STON2: variants seen among roughly 807,000 people sequenced by gnomAD.
The protein encoded by STON2 is stonin-2.
Under a neutral mutation model 65.7 loss-of-function variants are expected in STON2, and 29 were observed. The observed-to-expected ratio is 0.44, with a 90% CI of 0.33 to 0.60. The LOEUF is 0.60. Ranked by LOEUF, STON2 falls within the 20% of genes least tolerant of loss-of-function variation. The pLI is 0.03. For missense variants in STON2, 1,054 were observed against 1,118.1 expected (o/e 0.94, Z 0.82); for synonymous variants, 404 against 414.2 (o/e 0.98, Z 0.30).
chr14:81,307,413 T>A (rs550220881), intron 5 of STON2, among the ~76,000 whole-genome samples: 1 of 152,212 alleles, frequency 6.6e-6, no homozygotes, highest in African/African-American at 2.4e-5. Flanking sequence ...TAAATTTCTA[T>A]AAATTTATTT....
intron 5 of STON2, among the ~76,000 whole-genome samples, chr14:81,322,282 A>C (rs752657944): frequency 1.3e-5 from 2 of 152,184 alleles, no homozygotes; most frequent in African/African-American, 4.8e-5. Flanking sequence ...CAATGTACAA[A>C]TGCCTATGAG....
rs573360337 is a variant in STON2 at position 81,414,847 on chromosome 14, T to C, written c.-199+12255A>G. 2.8e-4 allele frequency among the ~76,000 whole-genome samples: 42 copies of C among 152,292 alleles called. No individual in the cohort carries two copies. In the South Asian group the frequency reaches 7.7e-3, roughly 28 times the overall value. On this transcript the variant is annotated intron_variant, in intron 2 of 8. Transcript: ENST00000553821. ...AATGTAAATTATTGAGATAATTAGA[T>C]TATTACTTCATTTAAGAATGTGAGT...
intron 4 of STON2, among the ~76,000 whole-genome samples, chr14:81,336,690 A>C (rs1897384533): frequency 6.6e-6 from 1 of 151,902 alleles, no homozygotes; most frequent in Non-Finnish European, 1.5e-5. Context: ...AAGCAGAAGA[A>C]GGGAAGTCTG....
chr14:81,407,277 A>C (rs1280276856), intron 2 of STON2, among the ~76,000 whole-genome samples: 1 of 152,166 alleles, frequency 6.6e-6, no homozygotes, highest in African/African-American at 2.4e-5. Flanking sequence ...ATCTAAATAC[A>C]GGTCATTTCA....
At chr14:81,394,766 T>C (rs1900234835) in intron 3 of STON2, among the ~76,000 whole-genome samples, 1 of 152,092 alleles carries the variant, frequency 6.6e-6, no homozygotes. Flanking sequence ...CTCTGAAAGC[T>C]GGGAAGGGCC....
chr14:81,435,897 C>T lies in STON2; in HGVS notation c.-310+424G>A, dbSNP rs575237070. Among the ~76,000 whole-genome samples, 136 of 152,300 alleles carry T rather than the reference C, an allele frequency of 8.9e-4. 1 individual carries two copies. The highest frequency in any genetic ancestry group is 3.2e-3 in the African/African-American group (133 of 41,582). On this transcript the variant is annotated intron_variant, in intron 1 of 8. Transcript: ENST00000553821. The stretch of plus-strand genomic sequence containing the variant: ...GCCTCCCGACACCCCGAAGGCGGGG[C>T]GCGGCGCCAACCCGGGGTTTCAGGC...
chr14:81,329,536 T>TG (rs1897131230), intron 4 of STON2, among the ~76,000 whole-genome samples: 1 of 151,544 alleles, frequency 6.6e-6, no homozygotes, highest in South Asian at 2.1e-4. Context: ...GGAGTTATGC[T>TG]GCCACAAGCC....
chr14:81,415,574 G>A (rs1901387895), intron 2 of STON2, among the ~76,000 whole-genome samples: 1 of 150,026 alleles, frequency 6.7e-6, no homozygotes, highest in Non-Finnish European at 1.5e-5. Context: ...GGAGGCTGAG[G>A]CAGGAGAATC....
At chr14:81,350,503 A>G (rs1055934917) in intron 4 of STON2, among the ~76,000 whole-genome samples, 8 of 151,226 alleles carry the variant, frequency 5.3e-5, no homozygotes, top group African/African-American at 1.9e-4. Flanking sequence ...AAACTTTCAG[A>G]GAGGAATGAA....
At chr14:81,328,731 G>A (rs1897091184) in intron 4 of STON2, among the ~76,000 whole-genome samples, 1 of 152,096 alleles carries the variant, frequency 6.6e-6, no homozygotes, top group Non-Finnish European at 1.5e-5. Context: ...TGCCCTCCCT[G>A]GGGAGGCAAG....
At chr14:81,270,273 TG>T in intron 7 of STON2, 1 of 580,406 alleles carries the variant, frequency 1.7e-6, no homozygotes, top group Non-Finnish European at 2.2e-6. Flanking sequence ...TTTATAGAGA[TG>T]GGGTTTCGCC....
Position 81,264,340 on chromosome 14 carries a change from G to A in STON2, c.*4074C>T. 2 of 985,444 alleles carry A rather than the reference G, an allele frequency of 2.0e-6. No individual in the cohort carries two copies. Among genetic ancestry groups the A allele is most frequent in the Non-Finnish European group, 2.4e-6 (2 of 829,934 alleles). 61.0% of individuals were successfully genotyped at this position (985,444 alleles called of 1,614,324 possible). A position where few individuals can be genotyped will look rare whatever the true frequency, so the allele number is the denominator to read the frequency against. On this transcript the variant is annotated 3_prime_UTR_variant, in exon 8 of 8. Transcript: ENST00000614646. ...TCAGGAAATAAAAGCATGCTTGCTG[G>A]CTTTATTATGAGTATTTGATGATAA... is the stretch of plus-strand genomic sequence containing the variant.
At chr14:81,320,559 G>A (rs912598481) in intron 5 of STON2, among the ~76,000 whole-genome samples, 1 of 149,882 alleles carries the variant, frequency 6.7e-6, no homozygotes, top group Non-Finnish European at 1.5e-5. Flanking sequence ...AAGTCCACAC[G>A]TTAAAGCTAC....
intron 5 of STON2, among the ~76,000 whole-genome samples, chr14:81,310,070 G>A (rs1357610544): frequency 2.0e-5 from 3 of 152,156 alleles, no homozygotes; most frequent in African/African-American, 7.2e-5. Context: ...GGCTGGATTA[G>A]ATGATCCTGA....
At chr14:81,289,673 G>C (rs1009812182) in intron 5 of STON2, among the ~76,000 whole-genome samples, 1 of 152,208 alleles carries the variant, frequency 6.6e-6, no homozygotes, top group Admixed American at 6.5e-5. Flanking sequence ...CCTGCTGGTT[G>C]TGTTGGCTCC....
At chr14:81,421,755 G>A (rs1901715156) in intron 2 of STON2, among the ~76,000 whole-genome samples, 1 of 152,206 alleles carries the variant, frequency 6.6e-6, no homozygotes, top group South Asian at 2.1e-4. Context: ...GAGGTGATGA[G>A]CTTAGCATTA....
intron 2 of STON2, among the ~76,000 whole-genome samples, chr14:81,397,367 A>G (rs1900378335): frequency 6.6e-6 from 1 of 152,228 alleles, no homozygotes; most frequent in Non-Finnish European, 1.5e-5. Flanking sequence ...AATAATACAC[A>G]TTTCAACCCA....
At chr14:81,436,448 G>C (rs552494126) in exon 1 of STON2, 3 of 151,714 alleles carry the variant, frequency 2.0e-5, no homozygotes, top group Non-Finnish European at 4.4e-5. Flanking sequence ...CCGCAGCGCC[G>C]ACGCCGGCTC....
chr14:81,278,396 C>G lies in STON2; in HGVS notation c.1086G>C (p.Glu362Asp). 1.9e-6 allele frequency: 3 copies of G among 1,614,198 alleles called. No individual in the cohort carries two copies. Among genetic ancestry groups the G allele is most frequent in the Non-Finnish European group, 2.5e-6 (3 of 1,180,036 alleles). Residue 362 changes from glutamate to aspartate, a missense_variant, in exon 6 of 8, where the codon GAG (glutamate) becomes GAC (aspartate). Physicochemically the swap from Glu to Asp is conservative, Grantham distance 45. Coordinates refer to ENST00000614646, the MANE Select transcript of STON2 (RefSeq NM_001394390.1). ...SSLNRTPSVT[E>D]ASPWRATNPF... is the part of the protein sequence containing the mutation. ...GGTTGGTTGCCCTCCAAGGTGAAGC[C>G]TCAGTTACAGAAGGCGTGCGGTTTA...
Sources: gnomAD v4.1 joint callset for allele counts (sites outside exome capture counted in the v4.1 genomes callset) on GRCh38, gnomAD v4.1.1 for gene constraint, MANE v1.5 for transcripts, NCBI Gene and HGNC (gene_info 2026-07-23, HGNC 2026-07-21) for gene names.